Variants in RIMS1 observed in about 807,000 individuals in gnomAD.
RIMS1 encodes regulating synaptic membrane exocytosis 1, also known as regulating synaptic membrane exocytosis protein 1.
In RIMS1, 83 loss-of-function variants were observed where a neutral mutation model predicts 214.1. The ratio of observed to expected loss-of-function variants is 0.39; its 90% CI spans 0.32 to 0.47. The LOEUF (loss-of-function observed/expected upper bound fraction) is 0.47. Among genes scored for constraint, RIMS1 ranks in the 20% least tolerant of loss-of-function variants. RIMS1 has a pLI of 0.99. For missense variants in RIMS1, 2,050 were observed against 2,161.8 expected, an observed-to-expected ratio of 0.95 and a Z score of 1.03; for synonymous variants, 793 against 786.8, an observed-to-expected ratio of 1.01 and a Z score of -0.13.
chr6:71,933,970 A>G (rs1256092883), intron 1 of RIMS1, among the ~76,000 whole-genome samples: 2 of 152,168 alleles, frequency 1.3e-5, no homozygotes, highest in East Asian at 3.8e-4. Flanking sequence ...GACTAAGGGA[A>G]ATCCATAACT....
chr6:72,041,946 C>T (rs1469556386), intron 2 of RIMS1, among the ~76,000 whole-genome samples: 3 of 151,838 alleles, frequency 2.0e-5, no homozygotes, highest in African/African-American at 7.2e-5. Context: ...CCAAGACTGA[C>T]CTAACGCCAG....
At chr6:72,216,399 C>T in intron 6 of RIMS1, 2 of 972,308 alleles carry the variant, frequency 2.1e-6, no homozygotes, top group Non-Finnish European at 2.4e-6. Context: ...TGTCCTTTTG[C>T]CCTCTGGAGA....
At chr6:72,106,212 T>C (rs1164660421) in intron 4 of RIMS1, among the ~76,000 whole-genome samples, 1 of 152,226 alleles carries the variant, frequency 6.6e-6, no homozygotes, top group Admixed American at 6.5e-5. Context: ...TTTGAATCAC[T>C]TTACAATGGT....
intron 4 of RIMS1, among the ~76,000 whole-genome samples, chr6:72,113,562 A>G (rs1177698447): frequency 3.3e-5 from 5 of 152,144 alleles, no homozygotes; most frequent in Non-Finnish European, 7.4e-5. Context: ...TTGACATTTT[A>G]CACGATTAAT....
At chr6:72,255,871 A>G (rs1590814199) in intron 16 of RIMS1, among the ~76,000 whole-genome samples, 1 of 152,008 alleles carries the variant, frequency 6.6e-6, no homozygotes, top group East Asian at 1.9e-4. Context: ...TTTCATCTCT[A>G]CTAAAAGTAC....
At chr6:72,216,420 T>G in intron 6 of RIMS1, 1 of 985,320 alleles carries the variant, frequency 1.0e-6, no homozygotes, top group Non-Finnish European at 1.2e-6. Context: ...TGAGCCACCG[T>G]TAGCACTAGG....
intron 26 of RIMS1, among the ~76,000 whole-genome samples, chr6:72,298,048 A>C (rs2154264694): frequency 6.6e-6 from 1 of 152,124 alleles, no homozygotes; most frequent in Admixed American, 6.6e-5. Context: ...TTGTAGGACA[A>C]CCAGTGGTTC....
chr6:71,909,869 G>A (rs1481131300), intron 1 of RIMS1, among the ~76,000 whole-genome samples: 4 of 152,078 alleles, frequency 2.6e-5, no homozygotes, highest in Non-Finnish European at 5.9e-5. Context: ...TTGCTTGCTG[G>A]CACAACAATC....
chr6:72,366,185 C>T (rs560298342), intron 29 of RIMS1, among the ~76,000 whole-genome samples: 9 of 152,162 alleles, frequency 5.9e-5, no homozygotes, highest in South Asian at 4.1e-4. Context: ...GGACGTGAAA[C>T]GACACAGGGA....
At chr6:72,113,697 TTTC>T (rs1354877155) in intron 4 of RIMS1, among the ~76,000 whole-genome samples, 2 of 152,128 alleles carry the variant, frequency 1.3e-5, no homozygotes, top group Admixed American at 6.6e-5. Context: ...CCAAGTGTTT[TTTC>T]TTCTTTAATT....
rs1795148830 is a variant in RIMS1, at chr6:71,968,974, G to A, written c.165-9G>A. On this transcript the variant is annotated splice_polypyrimidine_tract_variant and intron_variant, in intron 1 of 33. Transcript: ENST00000521978. ...AATAGTGCGTTGTGCTGTCTATCAT[G>A]CGCCCCAGGTGTGTTGTCAGGGACA... 6.2e-7 allele frequency: 1 copy of A among 1,613,258 alleles called. No homozygotes were observed. The highest frequency in any genetic ancestry group is 8.5e-7 in the Non-Finnish European group (1 of 1,179,370).
chr6:72,200,187 C>G (rs960799013), intron 6 of RIMS1, among the ~76,000 whole-genome samples: 3 of 152,150 alleles, frequency 2.0e-5, no homozygotes, highest in African/African-American at 7.2e-5. Flanking sequence ...TCACATGGAA[C>G]TGTAAAAGCC....
At chr6:72,148,674 C>G (rs1455641506) in intron 4 of RIMS1, 1 of 454,768 alleles carries the variant, frequency 2.2e-6, no homozygotes, top group Non-Finnish European at 4.4e-6. Flanking sequence ...TGCCCCTAGA[C>G]TTGTGCTGTC....
At chr6:72,125,418 C>T (rs905242225) in intron 4 of RIMS1, among the ~76,000 whole-genome samples, 1 of 152,186 alleles carries the variant, frequency 6.6e-6, no homozygotes, top group African/African-American at 2.4e-5. Context: ...GCAGGTGTCT[C>T]CCAGTTAGGC....
chr6:72,103,767 G>A (rs1459926714), intron 4 of RIMS1, among the ~76,000 whole-genome samples: 6 of 152,052 alleles, frequency 3.9e-5, no homozygotes, highest in Non-Finnish European at 8.8e-5. Flanking sequence ...AGCAATAAAT[G>A]GGGGTTTCAA....
At chr6:72,331,306 GA>G (rs1270201480) in intron 28 of RIMS1, among the ~76,000 whole-genome samples, 1 of 151,440 alleles carries the variant, frequency 6.6e-6, no homozygotes, top group East Asian at 1.9e-4. Flanking sequence ...ATAATGGGAA[GA>G]AAAAAGGGTA....
chr6:71,913,842 A>G (rs1777604087), intron 1 of RIMS1, among the ~76,000 whole-genome samples: 2 of 152,070 alleles, frequency 1.3e-5, no homozygotes, highest in Admixed American at 6.6e-5. Context: ...GGGGCTACAC[A>G]GCTGGGGTTA....
At chr6:72,309,301 C>T (rs190590007) in intron 27 of RIMS1, among the ~76,000 whole-genome samples, 36 of 152,238 alleles carry the variant, frequency 2.4e-4, no homozygotes, top group South Asian at 8.3e-4. Context: ...TTCTCTGACT[C>T]ATAACTTAAA....
At chr6:72,271,280 A>AT (rs1478585247) in intron 22 of RIMS1, among the ~76,000 whole-genome samples, 6 of 60,414 alleles carry the variant, frequency 9.9e-5, no homozygotes, top group African/African-American at 1.8e-4. Flanking sequence ...AAAAAAAAAA[A>AT]AAAAAAATAT....
Sources: allele counts gnomAD v4.1 joint callset (sites outside exome capture counted in the v4.1 genomes callset), GRCh38; gene constraint gnomAD v4.1.1; transcripts MANE v1.5; gene names NCBI Gene and HGNC (gene_info 2026-07-23, HGNC 2026-07-21).